Variants in PLA2G4A observed in about 807,000 individuals in gnomAD.
The protein encoded by PLA2G4A is cytosolic phospholipase A2.
A neutral mutation model predicts 81.9 loss-of-function variants in PLA2G4A; 40 were observed. That is an observed-to-expected ratio of 0.49 (90% confidence interval 0.38 to 0.64). The LOEUF (loss-of-function observed/expected upper bound fraction) is 0.64, where lower values mean the gene tolerates loss of function less well. Ranked by LOEUF, PLA2G4A falls within the 30% of genes least tolerant of loss-of-function variation. The pLI is 0.00. For missense variants in PLA2G4A, 715 were observed against 905.1 expected, an observed-to-expected ratio of 0.79 and a Z score of 2.69; for synonymous variants, 302 against 296.9, an observed-to-expected ratio of 1.02 and a Z score of -0.18.
At chr1:186,934,423 A>C (rs1655856986) in intron 8 of PLA2G4A, among the ~76,000 whole-genome samples, 1 of 98,740 alleles carries the variant, frequency 1.0e-5, no homozygotes, top group African/African-American at 3.5e-5. Context: ...AAATGTAATT[A>C]AAAGGATTTT....
chr1:186,930,018 C>T (rs1192875441), intron 7 of PLA2G4A, among the ~76,000 whole-genome samples: 2 of 152,172 alleles, frequency 1.3e-5, no homozygotes, highest in East Asian at 3.9e-4. Flanking sequence ...ATGGCAAAAC[C>T]CCGTCTCTAT....
chr1:186,912,511 G>C (rs1248626927), intron 7 of PLA2G4A, among the ~76,000 whole-genome samples: 1 of 151,868 alleles, frequency 6.6e-6, no homozygotes, highest in Non-Finnish European at 1.5e-5. Context: ...TGTCTCCATA[G>C]CTTTGCCTTT....
intron 7 of PLA2G4A, among the ~76,000 whole-genome samples, chr1:186,912,607 TAA>T (rs1654986934): frequency 6.6e-6 from 1 of 151,348 alleles, no homozygotes; most frequent in African/African-American, 2.4e-5. Context: ...AATACGAATA[TAA>T]GTTTCCTCCA....
At chr1:186,856,393 CTTTT>C (rs546355935) in intron 2 of PLA2G4A, among the ~76,000 whole-genome samples, 2 of 134,980 alleles carry the variant, frequency 1.5e-5, no homozygotes, top group African/African-American at 5.3e-5. Context: ...TTAGTTGTTG[CTTTT>C]TTTTTTTTTT....
At chr1:186,843,030 G>A (rs929573333) in intron 1 of PLA2G4A, among the ~76,000 whole-genome samples, 1 of 152,166 alleles carries the variant, frequency 6.6e-6, no homozygotes, top group African/African-American at 2.4e-5. Context: ...TAACCCAGAT[G>A]ACCTGGGAAC....
At chr1:186,988,180 T>C (rs1215582263) in intron 17 of PLA2G4A, among the ~76,000 whole-genome samples, 197 bp from the exon 18 acceptor site, 2 of 152,182 alleles carry the variant, frequency 1.3e-5, no homozygotes, top group Non-Finnish European at 2.9e-5. Context: ...GAAGGAACAG[T>C]AGCTGAATAT....
rs1201048527 is a variant in PLA2G4A, at chr1:186,839,877, T to A, written c.-70+10842T>A. On this transcript the variant is annotated intron_variant, in intron 1 of 17. Transcript: ENST00000367466. ...CCCCACAGAAGTAGAAGGGGAAAAA[T>A]GTGCTGCAACACTCCAACGCACACA... Among the ~76,000 whole-genome samples, 6 of 151,176 alleles carry A rather than the reference T, an allele frequency of 4.0e-5. No individual in the cohort carries two copies. The South Asian group carries it at 1.3e-3, about 32-fold the overall frequency.
intron 14 of PLA2G4A, 95 bp from the exon 15 acceptor site, chr1:186,965,314 T>G: frequency 3.2e-6 from 3 of 945,666 alleles, no homozygotes; most frequent in Non-Finnish European, 5.0e-6. Flanking sequence ...CCTAATCATA[T>G]GAAATTCTTT....
chr1:186,901,144 C>A (rs749738917), intron 5 of PLA2G4A, among the ~76,000 whole-genome samples: 1 of 152,044 alleles, frequency 6.6e-6, no homozygotes, highest in Non-Finnish European at 1.5e-5. Context: ...AACAAGAGAA[C>A]GATGTAATTT....
chr1:186,830,952 T>TTCTTTC (rs1651542629), intron 1 of PLA2G4A, among the ~76,000 whole-genome samples: 1 of 41,190 alleles, frequency 2.4e-5, no homozygotes, highest in South Asian at 6.5e-4. Context: ...CTTGCTTGCT[T>TTCTTTC]GCTTGCTTTC....
At chr1:186,872,351 G>C (rs971523446) in intron 3 of PLA2G4A, among the ~76,000 whole-genome samples, 2 of 151,986 alleles carry the variant, frequency 1.3e-5, no homozygotes, top group Non-Finnish European at 2.9e-5. Flanking sequence ...CTTAAGAAAA[G>C]GCGTGCGTTT....
intron 5 of PLA2G4A, among the ~76,000 whole-genome samples, chr1:186,901,118 T>C (rs944987165): frequency 2.0e-5 from 3 of 152,114 alleles, no homozygotes; most frequent in African/African-American, 7.2e-5. Context: ...TGAGACAAAG[T>C]GGAGTTTGGA....
chr1:186,885,905 G>A (rs1003554428), intron 3 of PLA2G4A, among the ~76,000 whole-genome samples: 12 of 152,138 alleles, frequency 7.9e-5, no homozygotes, highest in African/African-American at 2.9e-4. Flanking sequence ...AAAAGCTAAG[G>A]AATATCTGGG....
chr1:186,930,661 A>G (rs146897102), intron 7 of PLA2G4A, among the ~76,000 whole-genome samples: 60 of 152,322 alleles, frequency 3.9e-4, no homozygotes, highest in Non-Finnish European at 4.1e-4. Context: ...TAATAATACA[A>G]TGCTACAATT....
At chr1:186,888,276 G>T (rs1654009379) in intron 3 of PLA2G4A, among the ~76,000 whole-genome samples, 1 of 152,096 alleles carries the variant, frequency 6.6e-6, no homozygotes, top group Non-Finnish European at 1.5e-5. Flanking sequence ...CATTTTGTCA[G>T]AATTAGAATT....
At chr1:186,855,152 T>C (rs1652505977) in intron 2 of PLA2G4A, among the ~76,000 whole-genome samples, 1 of 152,010 alleles carries the variant, frequency 6.6e-6, no homozygotes, top group Non-Finnish European at 1.5e-5. Context: ...GTCTTCTTCC[T>C]GTCCATTCAC....
chr1:186,840,571 A>G (rs143205950), intron 1 of PLA2G4A, among the ~76,000 whole-genome samples: 204 of 152,284 alleles, frequency 1.3e-3, no homozygotes, highest in Middle Eastern at 6.8e-3. Context: ...TTTATCATCA[A>G]TTTATTCCTC....
rs146486403 is a variant in PLA2G4A, at chr1:186,887,520, G to A, written c.116-5491G>A. 1.2e-3 allele frequency among the ~76,000 whole-genome samples: 184 copies of A among 152,066 alleles called. 1 individual carries two copies. The highest frequency in any genetic ancestry group is 4.3e-3 in the African/African-American group (178 of 41,508). On this transcript the variant is annotated intron_variant, in intron 3 of 17. Transcript: ENST00000367466. The stretch of plus-strand genomic sequence containing the variant: ...AAAAAGATCTGTATTCCACACCCCC[G>A]ACATTTTTTGTTTGTCAAGATTTAG...
At chr1:186,907,053 T>G (rs1439553751) in intron 6 of PLA2G4A, 51 bp downstream of exon 6, 4 of 937,102 alleles carry the variant, frequency 4.3e-6, no homozygotes, top group Non-Finnish European at 7.0e-6. Context: ...GATCCACTAA[T>G]TTATTTTAAT....
Sources: gnomAD v4.1 joint callset for allele counts (sites outside exome capture counted in the v4.1 genomes callset) on GRCh38, gnomAD v4.1.1 for gene constraint, MANE v1.5 for transcripts, NCBI Gene and HGNC (gene_info 2026-07-23, HGNC 2026-07-21) for gene names.